The following CCSER1 variants were observed in gnomAD, a reference collection of about 807,000 sequenced individuals.
CCSER1 encodes the protein coiled-coil serine rich protein 1, also known as serine-rich coiled-coil domain-containing protein 1.
Under a neutral mutation model 82.0 loss-of-function variants are expected in CCSER1, and 41 were observed. The ratio of observed to expected loss-of-function variants is 0.50; its 90% CI spans 0.39 to 0.65. CCSER1 has a LOEUF of 0.65. Ranked by LOEUF, CCSER1 falls within the 30% of genes least tolerant of loss-of-function variation. The pLI, the probability that CCSER1 is intolerant of heterozygous loss-of-function variation, is 0.00. For missense variants in CCSER1, 1,119 were observed against 1,064.2 expected, an observed-to-expected ratio of 1.05 and a Z score of -0.72; for synonymous variants, 414 against 383.9, an observed-to-expected ratio of 1.08 and a Z score of -0.92.
At chr4:91,040,243 C>T (rs1244802666) in intron 9 of CCSER1, among the ~76,000 whole-genome samples, 2 of 152,008 alleles carry the variant, frequency 1.3e-5, no homozygotes, top group Non-Finnish European at 2.9e-5. Flanking sequence ...CATGAAATTT[C>T]TATGTTCTAG....
chr4:91,255,168 T>C (rs1740586519), intron 10 of CCSER1, among the ~76,000 whole-genome samples: 1 of 152,306 alleles, frequency 6.6e-6, no homozygotes, highest in South Asian at 2.1e-4. Context: ...TTCTGGCACA[T>C]AGAGGTCAAG....
At chr4:91,225,514 G>A (rs574465029) in intron 10 of CCSER1, among the ~76,000 whole-genome samples, 3 of 149,486 alleles carry the variant, frequency 2.0e-5, no homozygotes, top group African/African-American at 7.3e-5. Flanking sequence ...AGGAATAAAA[G>A]GACAGGTAAT....
At chr4:90,319,227 A>G (rs1736685352) in intron 3 of CCSER1, among the ~76,000 whole-genome samples, 1 of 152,220 alleles carries the variant, frequency 6.6e-6, no homozygotes, top group Non-Finnish European at 1.5e-5. Flanking sequence ...CATGATTAAT[A>G]TTAAAACAAA....
At chr4:90,496,971 C>CAA (rs771281710) in intron 5 of CCSER1, among the ~76,000 whole-genome samples, 763 of 55,188 alleles carry the variant, frequency 0.014, 11 homozygotes, top group African/African-American at 0.021. Context: ...AGCGAGACTA[C>CAA]AAAAAAAAAA....
At chr4:90,602,197 A>G (rs982894300) in intron 5 of CCSER1, among the ~76,000 whole-genome samples, 1 of 152,144 alleles carries the variant, frequency 6.6e-6, no homozygotes, top group African/African-American at 2.4e-5. Flanking sequence ...AAGCTCTGTT[A>G]TTAGCTGCAA....
intron 10 of CCSER1, among the ~76,000 whole-genome samples, chr4:91,120,782 G>A (rs1449807465): frequency 6.6e-6 from 1 of 151,894 alleles, no homozygotes; most frequent in Admixed American, 6.6e-5. Context: ...ATGTTTATAA[G>A]TCCGAGGTGA....
At chr4:91,195,893 C>G (rs1735367633) in intron 10 of CCSER1, among the ~76,000 whole-genome samples, 1 of 151,824 alleles carries the variant, frequency 6.6e-6, no homozygotes, top group African/African-American at 2.4e-5. Flanking sequence ...CTTCATGACT[C>G]CACCTTGCCA....
At chr4:90,255,537 G>A (rs1322623354) in intron 1 of CCSER1, among the ~76,000 whole-genome samples, 1 of 152,106 alleles carries the variant, frequency 6.6e-6, no homozygotes, top group Non-Finnish European at 1.5e-5. Context: ...TTTACAGTTT[G>A]ACAATGGTAA....
intron 6 of CCSER1, among the ~76,000 whole-genome samples, chr4:90,664,382 G>A (rs1024968616): frequency 6.6e-6 from 1 of 152,094 alleles, no homozygotes; most frequent in African/African-American, 2.4e-5. Flanking sequence ...TGTTCTCACA[G>A]GATAAACAAG....
intron 10 of CCSER1, among the ~76,000 whole-genome samples, chr4:91,141,910 A>G (rs770198589): frequency 1.1e-4 from 17 of 152,128 alleles, no homozygotes; most frequent in Non-Finnish European, 2.1e-4. Flanking sequence ...AGCTGCTTGC[A>G]TGTCTTCTTT....
chr4:91,416,684 A>G (rs1753382938), intron 10 of CCSER1, among the ~76,000 whole-genome samples: 1 of 152,186 alleles, frequency 6.6e-6, no homozygotes, highest in Non-Finnish European at 1.5e-5. Flanking sequence ...CCTTCCTTAT[A>G]TCTTATACAA....
intron 10 of CCSER1, among the ~76,000 whole-genome samples, chr4:91,494,511 A>G (rs927414647): frequency 6.6e-6 from 1 of 151,814 alleles, no homozygotes; most frequent in Non-Finnish European, 1.5e-5. Flanking sequence ...AGTAATTACC[A>G]GTATGTTTTG....
chr4:91,458,921 C>T (rs1298753493), intron 10 of CCSER1, among the ~76,000 whole-genome samples: 1 of 152,010 alleles, frequency 6.6e-6, no homozygotes, highest in Non-Finnish European at 1.5e-5. Flanking sequence ...TATATGACCT[C>T]CTCTCCCTAT....
chr4:91,371,165 T>C (rs746150999), intron 10 of CCSER1, among the ~76,000 whole-genome samples: 6 of 152,084 alleles, frequency 3.9e-5, no homozygotes, highest in Non-Finnish European at 8.8e-5. Context: ...AACTGCCATA[T>C]TTTAGTTATT....
At chr4:90,932,418 T>C (rs1258359703) in intron 9 of CCSER1, among the ~76,000 whole-genome samples, 2 of 152,166 alleles carry the variant, frequency 1.3e-5, no homozygotes, top group South Asian at 2.1e-4. Flanking sequence ...CTTAAACAGG[T>C]TTAGCATTTT....
intron 6 of CCSER1, among the ~76,000 whole-genome samples, chr4:90,663,472 T>C (rs1463170620): frequency 6.6e-6 from 1 of 152,154 alleles, no homozygotes; most frequent in Non-Finnish European, 1.5e-5. Context: ...TCAAGATCAA[T>C]TGAGAACCAC....
intron 8 of CCSER1, among the ~76,000 whole-genome samples, chr4:90,912,532 T>C (rs1351448045): frequency 6.6e-6 from 1 of 151,030 alleles, no homozygotes; most frequent in Non-Finnish European, 1.5e-5. Flanking sequence ...ACCACAAAGA[T>C]GGGGAAAAAA....
At chr4:90,210,588 C>A (rs1381650968) in intron 1 of CCSER1, among the ~76,000 whole-genome samples, 2 of 151,962 alleles carry the variant, frequency 1.3e-5, no homozygotes, top group African/African-American at 4.8e-5. Context: ...AGACTACAGG[C>A]ATGTGCCACC....
intron 9 of CCSER1, among the ~76,000 whole-genome samples, chr4:90,962,277 G>A (rs536580989): frequency 6.6e-6 from 1 of 151,890 alleles, no homozygotes; most frequent in South Asian, 2.1e-4. Context: ...GATGTAAATG[G>A]GTATGAGAAA....
Sources: gnomAD v4.1 joint callset for allele counts (sites outside exome capture counted in the v4.1 genomes callset) on GRCh38, gnomAD v4.1.1 for gene constraint, MANE v1.5 for transcripts, NCBI Gene and HGNC (gene_info 2026-07-23, HGNC 2026-07-21) for gene names.